Variants in ARAP2 observed in about 807,000 individuals in gnomAD.
ARAP2 encodes the protein arf-GAP with Rho-GAP domain, ANK repeat and PH domain-containing protein 2.
In ARAP2, 148 loss-of-function variants were observed where a neutral mutation model predicts 194.5. That is an observed-to-expected ratio of 0.76 (90% CI 0.67 to 0.87). The LOEUF is 0.87. Among genes scored for constraint, ARAP2 ranks in the 40% least tolerant of loss-of-function variants. The pLI is 0.00. For synonymous variants in ARAP2, 695 were observed against 683.5 expected (o/e 1.02, Z -0.26); for missense variants, 2,128 against 1,989.7 (o/e 1.07, Z -1.32).
At chr4:36,127,607 C>G (rs1724271828) in intron 21 of ARAP2, among the ~76,000 whole-genome samples, 1 of 151,860 alleles carries the variant, frequency 6.6e-6, no homozygotes. Context: ...TGACTAGATT[C>G]AAAAGCCATT....
intron 14 of ARAP2, 45 bp downstream of exon 14, chr4:36,159,286 G>A (rs753491565): frequency 1.8e-5 from 26 of 1,406,742 alleles, no homozygotes; most frequent in South Asian, 7.1e-5. Context: ...GTCCTTTTAC[G>A]GATCTATCAG....
At chr4:36,097,878 A>G (rs370929336) in intron 27 of ARAP2, among the ~76,000 whole-genome samples, 21 of 152,148 alleles carry the variant, frequency 1.4e-4, no homozygotes, top group African/African-American at 5.1e-4. Context: ...TTAAAATTAA[A>G]ACTGCGGGTA....
rs568624860 is a variant in ARAP2, at chr4:36,109,452, C to CA, written c.4157-1760dup. ...TTATTTTCTTTGATGGCCCATAAAT[C>CA]AAAAAAACATATTAACAGAAAGACT... On this transcript the variant is annotated intron_variant, in intron 26 of 32. Transcript: ENST00000303965. Among the ~76,000 whole-genome samples, 112 of 151,622 alleles carry CA rather than the reference C, an allele frequency of 7.4e-4. 1 individual carries two copies. The highest frequency in any genetic ancestry group is 1.3e-3 in the Non-Finnish European group (91 of 67,754).
intron 15 of ARAP2, among the ~76,000 whole-genome samples, chr4:36,154,455 T>A (rs953325096): frequency 6.6e-6 from 1 of 152,260 alleles, no homozygotes; most frequent in African/African-American, 2.4e-5. Flanking sequence ...ACTTTCTTTT[T>A]GAAAATCAAA....
In ARAP2 at chr4:36,228,684, A is replaced by G. The variant is rs1337600684; in HGVS notation, c.803T>C (p.Val268Ala). Residue 268 changes from valine to alanine, a missense_variant, in exon 2 of 33, where the codon GTG becomes GCG. Coordinates refer to ENST00000303965, the MANE Select transcript of ARAP2 (RefSeq NM_015230.4). Reference protein sequence around the residue: ...YVPSSPILAPVRSRSKLVSRP... With the variant: ...YVPSSPILAPARSRSKLVSRP... ...TGAAACCAACTTGCTACGACTTCTC[A>G]CAGGTGCTAGGATTGGTGATGATGG... 1.2e-6 allele frequency: 2 copies of G among 1,613,988 alleles called. No homozygotes were observed. The highest frequency in any genetic ancestry group is 1.7e-6 in the Non-Finnish European group (2 of 1,179,986).
chr4:36,233,923 T>C (rs1351202674), intron 1 of ARAP2, among the ~76,000 whole-genome samples: 1 of 152,214 alleles, frequency 6.6e-6, no homozygotes, highest in Non-Finnish European at 1.5e-5. Context: ...ACTATTTACT[T>C]CTTAGAGTGT....
intron 2 of ARAP2, 45 bp from the exon 3 acceptor site, chr4:36,214,525 G>T (rs1410931887): frequency 3.2e-6 from 4 of 1,243,668 alleles, no homozygotes; most frequent in Non-Finnish European, 4.5e-6. Context: ...AAATATTTAT[G>T]ATATTTATGA....
chr4:36,015,699 T>A (rs1370605502), intron 7 of ARAP2: 2 of 152,202 alleles, frequency 1.3e-5, no homozygotes, highest in Non-Finnish European at 2.9e-5. Context: ...ATTCTACTGG[T>A]CAAAGTTTGT....
At chr4:36,216,661 T>G (rs567396731) in intron 2 of ARAP2, among the ~76,000 whole-genome samples, 3 of 151,502 alleles carry the variant, frequency 2.0e-5, no homozygotes, top group East Asian at 1.9e-4. Flanking sequence ...AAAACCCAAA[T>G]AGACATCAGG....
At chr4:36,156,039 T>G (rs892973695) in intron 15 of ARAP2, among the ~76,000 whole-genome samples, 5 of 151,984 alleles carry the variant, frequency 3.3e-5, no homozygotes, top group Admixed American at 3.3e-4. Context: ...CCCAGCACAT[T>G]GAGAGGCTGA....
intron 9 of ARAP2, among the ~76,000 whole-genome samples, chr4:36,171,105 T>C (rs995759188): frequency 1.3e-5 from 2 of 152,166 alleles, no homozygotes; most frequent in Non-Finnish European, 2.9e-5. Flanking sequence ...TGTTCACTTA[T>C]TTGCAAAATA....
At chr4:36,204,673 G>C (rs891804482) in intron 6 of ARAP2, among the ~76,000 whole-genome samples, 3 of 152,128 alleles carry the variant, frequency 2.0e-5, no homozygotes, top group African/African-American at 7.2e-5. Flanking sequence ...AGAATTTTCA[G>C]ATGAATGAGT....
Position 36,055,254 on chromosome 4 carries a change from T to C in ARAP2, n.321+2716A>G, listed in dbSNP as rs532844315. On this transcript the variant is annotated intron_variant and non_coding_transcript_variant, in intron 2 of 12. Coordinates refer to the ARAP2 transcript ENST00000503225. ...ACCTCAATCCTGTAATTTTGTAATA[T>C]GGTTATAAAATCTTGGATAAGATCT... 3.3e-5 allele frequency among the ~76,000 whole-genome samples: 5 copies of C among 152,346 alleles called. No individual in the cohort carries two copies. In the East Asian group the frequency reaches 9.6e-4, roughly 29 times the overall value.
At chr4:36,192,731 C>A (rs192020892) in intron 7 of ARAP2, among the ~76,000 whole-genome samples, 1 of 152,296 alleles carries the variant, frequency 6.6e-6, no homozygotes, top group East Asian at 1.9e-4. Context: ...GTCGTGGTAG[C>A]TCATGTCTGT....
intron 28 of ARAP2, among the ~76,000 whole-genome samples, chr4:36,084,064 G>C (rs1230028005): frequency 6.6e-6 from 1 of 151,966 alleles, no homozygotes; most frequent in Non-Finnish European, 1.5e-5. Context: ...AGGGGCTCTC[G>C]GCCTTCAGTC....
rs17604059 is a variant in ARAP2, at chr4:36,082,667, C to T, written c.4509-381G>A. ...CAGGTATATGCTCTAGGCTTAGAAA[C>T]TGAGTATGAAGGCAAAAGTGAAGAA... On this transcript the variant is annotated intron_variant, in intron 29 of 32. Transcript: ENST00000303965. Among the ~76,000 whole-genome samples, 160 of 152,178 alleles carry T rather than the reference C, an allele frequency of 1.1e-3. 3 individuals carry two copies. In the East Asian group the frequency reaches 0.026, roughly 24 times the overall value.
intron 6 of ARAP2, among the ~76,000 whole-genome samples, chr4:36,195,980 G>C (rs1743007087): frequency 6.6e-6 from 1 of 152,188 alleles, no homozygotes; most frequent in African/African-American, 2.4e-5. Context: ...ATGATTAAAA[G>C]CACAGTCCTT....
chr4:36,041,205 C>T lies in ARAP2; in HGVS notation n.607+4774G>A, dbSNP rs539827944. On this transcript the variant is annotated intron_variant and non_coding_transcript_variant, in intron 5 of 12. Transcript: ENST00000503225. The stretch of plus-strand genomic sequence containing the variant: ...CTAATTAGACTCAAGAGCTTCTGCA[C>T]AGCAAATGAAACTATCAACAGAATG... 2.6e-5 allele frequency among the ~76,000 whole-genome samples: 4 copies of T among 152,180 alleles called. No individual in the cohort carries two copies. The East Asian group carries it at 5.8e-4, about 22-fold the overall frequency.
intron 27 of ARAP2, among the ~76,000 whole-genome samples, chr4:36,102,438 TC>T (rs778173496): frequency 4.6e-4 from 70 of 152,062 alleles, no homozygotes; most frequent in Non-Finnish European, 8.4e-4. Context: ...CAGTACTTGC[TC>T]AGTTATAAAC....
Sources: allele counts gnomAD v4.1 joint callset (sites outside exome capture counted in the v4.1 genomes callset), GRCh38; gene constraint gnomAD v4.1.1; transcripts MANE v1.5; gene names NCBI Gene and HGNC (gene_info 2026-07-23, HGNC 2026-07-21).